KCNH7: variants seen among roughly 807,000 people sequenced by gnomAD.
The protein encoded by KCNH7 is potassium voltage-gated channel subfamily H member 7.
In KCNH7, 49 loss-of-function variants were observed where a neutral mutation model predicts 120.8. The ratio of observed to expected loss-of-function variants is 0.41; its 90% CI spans 0.32 to 0.51. KCNH7 has a LOEUF of 0.51. Ranked by LOEUF, KCNH7 falls within the 20% of genes least tolerant of loss-of-function variation. The probability of loss-of-function intolerance (pLI) is 0.38; values close to 1 mark genes in which losing one functional copy is unlikely to be tolerated. For missense variants in KCNH7, 1,097 were observed against 1,446.6 expected, an observed-to-expected ratio of 0.76 and a Z score of 3.92; for synonymous variants, 547 against 516.1, an observed-to-expected ratio of 1.06 and a Z score of -0.81.
chr2:162,724,866 A>G (rs933323270), intron 2 of KCNH7, among the ~76,000 whole-genome samples: 2 of 152,184 alleles, frequency 1.3e-5, no homozygotes, highest in South Asian at 4.1e-4. Context: ...ATATTATAGC[A>G]ACTTACTGCA....
intron 14 of KCNH7, among the ~76,000 whole-genome samples, chr2:162,375,969 T>C (rs1312183582): frequency 2.0e-5 from 3 of 151,724 alleles, no homozygotes; most frequent in African/African-American, 7.3e-5. Context: ...CAGGAGGAAT[T>C]ACAGAGAATT....
chr2:162,758,557 A>T (rs1441574569), intron 2 of KCNH7, among the ~76,000 whole-genome samples: 1 of 152,144 alleles, frequency 6.6e-6, no homozygotes, highest in Non-Finnish European at 1.5e-5. Context: ...GGCTACATAT[A>T]CATATATATG....
chr2:162,759,869 T>C (rs1369060008), intron 2 of KCNH7, among the ~76,000 whole-genome samples: 1 of 152,190 alleles, frequency 6.6e-6, no homozygotes, highest in Non-Finnish European at 1.5e-5. Context: ...TTGCTTCCAC[T>C]AATTGTTCTC....
At chr2:162,755,039 A>G (rs1688738348) in intron 2 of KCNH7, among the ~76,000 whole-genome samples, 1 of 152,172 alleles carries the variant, frequency 6.6e-6, no homozygotes, top group African/African-American at 2.4e-5. Flanking sequence ...CATTTTTCCT[A>G]TTTAAGATTC....
intron 2 of KCNH7, among the ~76,000 whole-genome samples, chr2:162,742,939 G>C (rs539167815): frequency 6.6e-6 from 1 of 152,260 alleles, no homozygotes; most frequent in Admixed American, 6.5e-5. Context: ...AATACATTCA[G>C]GTTTTAGGTA....
chr2:162,426,248 A>C, intron 8 of KCNH7, among the ~76,000 whole-genome samples: 1 of 150,850 alleles, frequency 6.6e-6, no homozygotes, highest in Non-Finnish European at 1.5e-5. Flanking sequence ...GACCTGAAAT[A>C]CTTATTTTTA....
At position 162,679,000 on chromosome 2, in the gene KCNH7, T is replaced by G. The variant is rs149305250; in HGVS notation, c.308-141920A>C. The stretch of plus-strand genomic sequence containing the variant: ...ATATTTGAATCCAGGAGATTTATAT[T>G]CCAACATGAACTTTCAGAAATGTAC... On this transcript the variant is annotated intron_variant, in intron 2 of 15. Transcript: ENST00000332142. Among the ~76,000 whole-genome samples, 974 of 151,758 alleles carry G rather than the reference T, an allele frequency of 6.4e-3. 13 individuals carry two copies. Among genetic ancestry groups the G allele is most frequent in the African/African-American group, 0.022 (913 of 41,508 alleles).
At chr2:162,727,981 A>T (rs1687588141) in intron 2 of KCNH7, among the ~76,000 whole-genome samples, 1 of 152,118 alleles carries the variant, frequency 6.6e-6, no homozygotes, top group Admixed American at 6.5e-5. Context: ...TTGAATGTGC[A>T]TATATATATG....
chr2:162,617,412 G>C (rs1290419130), intron 2 of KCNH7, among the ~76,000 whole-genome samples: 2 of 152,124 alleles, frequency 1.3e-5, no homozygotes, highest in East Asian at 3.9e-4. Flanking sequence ...CCGGGAGGCG[G>C]AGCTTGCAGT....
intron 9 of KCNH7, among the ~76,000 whole-genome samples, chr2:162,413,257 T>A: frequency 6.6e-6 from 1 of 152,248 alleles, no homozygotes; most frequent in East Asian, 1.9e-4. Context: ...GCCTCCCAGA[T>A]AGCTGGGATT....
At chr2:162,487,145 C>T (rs1690124414) in intron 6 of KCNH7, among the ~76,000 whole-genome samples, 1 of 152,096 alleles carries the variant, frequency 6.6e-6, no homozygotes, top group Admixed American at 6.6e-5. Context: ...CCAGTATGAT[C>T]GTGTTAATAC....
At chr2:162,718,459 T>G (rs140661360) in intron 2 of KCNH7, among the ~76,000 whole-genome samples, 2 of 152,124 alleles carry the variant, frequency 1.3e-5, no homozygotes, top group Non-Finnish European at 2.9e-5. Context: ...TAGACTTGGT[T>G]TAGGAAATAG....
chr2:162,379,762 T>C lies in KCNH7; in HGVS notation c.3131+91A>G, dbSNP rs1400719710. On this transcript the variant is annotated intron_variant, in intron 14 of 15. Coordinates refer to ENST00000332142, the MANE Select transcript of KCNH7 (RefSeq NM_033272.4). Reference sequence around the variant, plus strand: ...AATGTATAAGGAAATTATGAGATCATGGCAAGGAGAATTTTCCATTTGTAA... The same window carrying C: ...AATGTATAAGGAAATTATGAGATCACGGCAAGGAGAATTTTCCATTTGTAA... 7 of 1,227,264 alleles carry C rather than the reference T, an allele frequency of 5.7e-6. No homozygotes were observed. In the Admixed American group the frequency reaches 1.3e-4, roughly 23 times the overall value. 76.0% of individuals were successfully genotyped at this position (1,227,264 alleles called of 1,614,324 possible).
At chr2:162,755,904 A>C (rs1258575929) in intron 2 of KCNH7, among the ~76,000 whole-genome samples, 2 of 152,180 alleles carry the variant, frequency 1.3e-5, no homozygotes. Flanking sequence ...CCAGAGTGAT[A>C]GTCTTATTTA....
chr2:162,578,158 T>C (rs2105911961), intron 2 of KCNH7, among the ~76,000 whole-genome samples: 1 of 152,106 alleles, frequency 6.6e-6, no homozygotes, highest in East Asian at 1.9e-4. Flanking sequence ...TACACAGAAA[T>C]TGTTTCTAAT....
intron 2 of KCNH7, among the ~76,000 whole-genome samples, chr2:162,682,808 A>G (rs1003549362): frequency 3.9e-5 from 6 of 151,914 alleles, no homozygotes; most frequent in African/African-American, 1.2e-4. Context: ...CTGTATTTGT[A>G]ATGGTCAATA....
chr2:162,733,973 T>C (rs1687816165), intron 2 of KCNH7, among the ~76,000 whole-genome samples: 1 of 152,210 alleles, frequency 6.6e-6, no homozygotes, highest in Admixed American at 6.5e-5. Flanking sequence ...TACTTAAATG[T>C]ATAGTTACTG....
chr2:162,800,436 C>T (rs1684302552), intron 2 of KCNH7, among the ~76,000 whole-genome samples: 1 of 151,488 alleles, frequency 6.6e-6, no homozygotes. Flanking sequence ...ACTATTATCA[C>T]CTATGGTAAT....
intron 3 of KCNH7, among the ~76,000 whole-genome samples, chr2:162,533,791 A>C (rs1692014669): frequency 6.6e-6 from 1 of 151,654 alleles, no homozygotes; most frequent in African/African-American, 2.4e-5. Context: ...ATAAGTAAGG[A>C]TATAGAAGAC....
Sources: gnomAD v4.1 joint callset for allele counts (sites outside exome capture counted in the v4.1 genomes callset) on GRCh38, gnomAD v4.1.1 for gene constraint, MANE v1.5 for transcripts, NCBI Gene and HGNC (gene_info 2026-07-23, HGNC 2026-07-21) for gene names.